BNC2: variants seen among roughly 807,000 people sequenced by gnomAD.
BNC2 encodes the protein basonuclin zinc finger protein 2.
Under a neutral mutation model 76.3 loss-of-function variants are expected in BNC2, and 20 were observed. The ratio of observed to expected loss-of-function variants is 0.26; its 90% CI spans 0.18 to 0.38. BNC2 has a LOEUF of 0.38. BNC2 is among the 10% of genes least tolerant of loss of function. The pLI, the probability that BNC2 is intolerant of heterozygous loss-of-function variation, is 1.00. For synonymous variants in BNC2, 582 were observed against 514.8 expected, an observed-to-expected ratio of 1.13 and a Z score of -1.77; for missense variants, 1,382 against 1,399.8, an observed-to-expected ratio of 0.99 and a Z score of 0.20.
chr9:16,674,020 C>A (rs1822562686), intron 3 of BNC2, among the ~76,000 whole-genome samples: 1 of 152,196 alleles, frequency 6.6e-6, no homozygotes, highest in South Asian at 2.1e-4. Context: ...CTCAAACGTA[C>A]AACTAGAACT....
chr9:16,513,756 A>G (rs916206227), intron 5 of BNC2, among the ~76,000 whole-genome samples: 1 of 152,166 alleles, frequency 6.6e-6, no homozygotes, highest in Non-Finnish European at 1.5e-5. Context: ...TAGGTTGAAG[A>G]CTGACACACA....
In BNC2 at chr9:16,451,241, C is replaced by T. The variant is rs761475998; in HGVS notation, c.670-13717G>A. Among the ~76,000 whole-genome samples, 15 of 152,154 alleles carry T rather than the reference C, an allele frequency of 9.9e-5. 1 individual carries two copies. In the South Asian group the frequency reaches 1.2e-3, roughly 13 times the overall value. ...TTTTACTGAGTTGGTGAAATCGGTGCTGGTTACAGAAATGGGGGCAATCCT... is the reference window on the plus strand; with the variant it reads ...TTTTACTGAGTTGGTGAAATCGGTGTTGGTTACAGAAATGGGGGCAATCCT... On this transcript the variant is annotated intron_variant, in intron 5 of 6. Coordinates refer to ENST00000380672, the MANE Select transcript of BNC2 (RefSeq NM_017637.6).
At chr9:16,636,130 T>C (rs566159770) in intron 3 of BNC2, among the ~76,000 whole-genome samples, 2 of 152,284 alleles carry the variant, frequency 1.3e-5, no homozygotes, top group Non-Finnish European at 2.9e-5. Flanking sequence ...ACTGTTAAGA[T>C]GAGTGAACCA....
chr9:16,689,037 A>C (rs1037512334), intron 3 of BNC2, among the ~76,000 whole-genome samples: 7 of 152,084 alleles, frequency 4.6e-5, no homozygotes, highest in Admixed American at 3.9e-4. Flanking sequence ...GTGGGCATTC[A>C]CTTCGGTGTC....
At chr9:16,593,416 C>T (rs1325008278) in intron 3 of BNC2, among the ~76,000 whole-genome samples, 1 of 151,946 alleles carries the variant, frequency 6.6e-6, no homozygotes, top group African/African-American at 2.4e-5. Context: ...ATAAGAAAGG[C>T]CCCATTTAAA....
rs115697678 is a variant in BNC2 at position 16,449,300 on chromosome 9, C to G, written c.670-11776G>C. Among the ~76,000 whole-genome samples, 917 of 152,270 alleles carry G rather than the reference C, an allele frequency of 6.0e-3. 7 individuals carry two copies. Among genetic ancestry groups the G allele is most frequent in the African/African-American group, 0.021 (873 of 41,556 alleles). On this transcript the variant is annotated intron_variant, in intron 5 of 6. Transcript: ENST00000380672. ...AGCACTTTTACAAGTGTATATTCATCCACCAATTAGCTTAATGTGGCCGCT... is the reference window on the plus strand; with the variant it reads ...AGCACTTTTACAAGTGTATATTCATGCACCAATTAGCTTAATGTGGCCGCT...
At chr9:16,541,949 G>A (rs576848077) in intron 5 of BNC2, among the ~76,000 whole-genome samples, 1 of 151,864 alleles carries the variant, frequency 6.6e-6, no homozygotes, top group South Asian at 2.1e-4. Context: ...TGCAATATAC[G>A]CCAGTCTTCA....
chr9:16,840,727 GT>G (rs1156424092), intron 1 of BNC2, among the ~76,000 whole-genome samples: 1 of 152,130 alleles, frequency 6.6e-6, no homozygotes, highest in African/African-American at 2.4e-5. Flanking sequence ...CAAGTACAAT[GT>G]TTATAAACCT....
intron 3 of BNC2, among the ~76,000 whole-genome samples, chr9:16,615,747 T>C (rs995142892): frequency 2.0e-5 from 3 of 152,224 alleles, no homozygotes; most frequent in African/African-American, 7.2e-5. Context: ...AATTTGTCTT[T>C]TGTTACAGAG....
intron 3 of BNC2, among the ~76,000 whole-genome samples, chr9:16,711,314 G>A (rs780405719): frequency 6.6e-6 from 1 of 152,148 alleles, no homozygotes; most frequent in Non-Finnish European, 1.5e-5. Context: ...GAATTATCTG[G>A]CTGTGGTTGA....
intron 4 of BNC2, among the ~76,000 whole-genome samples, chr9:16,553,588 G>A (rs536302059): frequency 6.6e-6 from 1 of 152,288 alleles, no homozygotes; most frequent in Admixed American, 6.5e-5. Context: ...AGAATTTCTG[G>A]TGTATTTCAG....
intron 2 of BNC2, among the ~76,000 whole-genome samples, chr9:16,735,711 G>A (rs1824646853): frequency 6.6e-6 from 1 of 151,666 alleles, no homozygotes; most frequent in Admixed American, 6.6e-5. Context: ...CCCTGACCAG[G>A]CCAGGCTGGT....
chr9:16,550,192 T>C (rs1290557658), intron 5 of BNC2, among the ~76,000 whole-genome samples: 1 of 152,204 alleles, frequency 6.6e-6, no homozygotes, highest in African/African-American at 2.4e-5. Context: ...GGGCTGCATG[T>C]GGCCCATGAA....
intron 3 of BNC2, among the ~76,000 whole-genome samples, chr9:16,646,480 A>G (rs1821629274): frequency 6.6e-6 from 1 of 152,210 alleles, no homozygotes; most frequent in Non-Finnish European, 1.5e-5. Flanking sequence ...ACAAACAAAA[A>G]AAGCCAGACA....
intron 1 of BNC2, among the ~76,000 whole-genome samples, chr9:16,749,064 G>C (rs964823217): frequency 2.8e-4 from 10 of 36,064 alleles, no homozygotes; most frequent in Non-Finnish European, 6.4e-4. Context: ...TAGAAATTCA[G>C]TATGTAAGCT....
chr9:16,521,345 C>T (rs367771258), intron 5 of BNC2, among the ~76,000 whole-genome samples: 7 of 152,150 alleles, frequency 4.6e-5, no homozygotes, highest in African/African-American at 9.6e-5. Context: ...AAATTTCCAC[C>T]GGAAATAAAA....
chr9:16,861,577 C>T (rs973101416), intron 1 of BNC2, among the ~76,000 whole-genome samples: 1 of 152,136 alleles, frequency 6.6e-6, no homozygotes, highest in African/African-American at 2.4e-5. Flanking sequence ...AGATGCTCAA[C>T]ATCACTAGCC....
chr9:16,664,961 C>A, intron 3 of BNC2: 1 of 314,190 alleles, frequency 3.2e-6, no homozygotes, highest in Non-Finnish European at 6.1e-6. Flanking sequence ...AGGTTATAGG[C>A]AGCATTAGCA....
At chr9:16,422,031 C>A (rs974907850) in intron 6 of BNC2, among the ~76,000 whole-genome samples, 7 of 152,154 alleles carry the variant, frequency 4.6e-5, no homozygotes, top group Non-Finnish European at 7.3e-5. Flanking sequence ...TCAAGACACA[C>A]TGAATAAGGA....
Sources: allele counts gnomAD v4.1 joint callset (sites outside exome capture counted in the v4.1 genomes callset), GRCh38; gene constraint gnomAD v4.1.1; transcripts MANE v1.5; gene names NCBI Gene and HGNC (gene_info 2026-07-23, HGNC 2026-07-21).